The following LIG1 variants were observed in gnomAD, a reference collection of about 807,000 sequenced individuals.
The protein encoded by LIG1 is ligase I, DNA, ATP-dependent.
LIG1 carries 70 observed loss-of-function variants against 115.7 expected under a neutral mutation model. That is an observed-to-expected ratio of 0.60 (90% confidence interval 0.50 to 0.74). LIG1 has a LOEUF of 0.74. Among genes scored for constraint, LIG1 ranks in the 30% least tolerant of loss-of-function variants. The pLI is 0.00. For missense variants in LIG1, 1,115 were observed against 1,225.6 expected, an observed-to-expected ratio of 0.91 and a Z score of 1.35; for synonymous variants, 487 against 495.3, an observed-to-expected ratio of 0.98 and a Z score of 0.22.
chr19:48,132,926 C>T (rs557247689), intron 18 of LIG1, 56 bp downstream of exon 18: 7 of 1,307,328 alleles, frequency 5.4e-6, no homozygotes, highest in South Asian at 3.5e-5. Flanking sequence ...TGACCCCACA[C>T]CCCTGCTCTT....
rs1411921233 is a variant in LIG1 at position 48,123,034 on chromosome 19, G to A, written c.2150-18C>T. The A allele has an allele frequency of 6.2e-7, 1 of 1,613,418 alleles. No homozygotes were observed. The highest frequency in any genetic ancestry group is 8.5e-7 in the Non-Finnish European group (1 of 1,179,414). ...GCAGGAGTCTGAGGGAGACACAGAA[G>A]CGTGGTCCTTGGGAAGCCCTGGCTC... On this transcript the variant is annotated intron_variant, in intron 22 of 27. Transcript: ENST00000263274.
At chr19:48,133,124 G>C in intron 17 of LIG1, 27 bp from the exon 18 acceptor site, 1 of 1,423,556 alleles carries the variant, frequency 7.0e-7, no homozygotes, top group Non-Finnish European at 9.9e-7. Context: ...GTGAGTTAGA[G>C]GAGAGGGAAG....
In LIG1 at chr19:48,137,582, C is replaced by T. The variant is rs749379097; in HGVS notation, c.1194G>A (p.Pro398=). ...STQRLMLPPP[P]LTASGVFSKF... ...TGCTGAAGACCCCGGAGGCAGTGAGCGGAGGTGGTGGCAGCATGAGCCTCT... is the reference window on the plus strand; with the variant it reads ...TGCTGAAGACCCCGGAGGCAGTGAGTGGAGGTGGTGGCAGCATGAGCCTCT... Residue 398 remains proline (P), a synonymous_variant, in exon 13 of 28, where the codon CCG becomes CCA. Transcript: ENST00000263274. This position sits in a 1 kb window ranked among gnomAD's most constrained non-coding sequence, Gnocchi z 4.3. 21 of 1,613,352 alleles carry T rather than the reference C, an allele frequency of 1.3e-5. No individual in the cohort carries two copies. In the South Asian group the frequency reaches 1.3e-4, roughly 10 times the overall value.
intron 1 of LIG1, among the ~76,000 whole-genome samples, chr19:48,166,917 G>T (rs1020032311): frequency 6.9e-6 from 1 of 145,552 alleles, no homozygotes; most frequent in Non-Finnish European, 1.5e-5. Context: ...GTTGCAGTGA[G>T]ATCATGCACT....
chr19:48,142,073 G>A (rs867221531), intron 11 of LIG1, among the ~76,000 whole-genome samples: 6 of 152,166 alleles, frequency 3.9e-5, no homozygotes, highest in Middle Eastern at 3.4e-3. Context: ...AGGCCGAGGC[G>A]GGCCGATCAC....
At chr19:48,131,199 A>G (rs757691291) in intron 18 of LIG1, 28 bp from the exon 19 acceptor site, 8 of 1,548,708 alleles carry the variant, frequency 5.2e-6, no homozygotes, top group Non-Finnish European at 5.4e-6. Context: ...GGGAGGGGAA[A>G]TCAGCTGAGT....
intron 11 of LIG1, among the ~76,000 whole-genome samples, chr19:48,141,930 T>C (rs1231008435): frequency 6.6e-6 from 1 of 152,170 alleles, no homozygotes; most frequent in East Asian, 1.9e-4. Context: ...AAAGAAGGTC[T>C]TTGCGGATGT....
At position 48,137,017 on chromosome 19, in the gene LIG1, A is replaced by C; in HGVS notation, c.1322T>G (p.Phe441Cys). 1.9e-6 allele frequency: 3 copies of C among 1,612,580 alleles called. No individual in the cohort carries two copies. Among genetic ancestry groups the C allele is most frequent in the Non-Finnish European group, 2.5e-6 (3 of 1,179,440 alleles). The change falls in exon 14 of 28, where the codon TTC becomes TGC. Residue 441 changes from phenylalanine (F) to cysteine (C), a missense_variant. By Grantham distance (205) the Phe-to-Cys change is radical. Transcript: ENST00000263274. This position sits in a 1 kb window ranked among gnomAD's most constrained non-coding sequence, Gnocchi z 4.3. Reference sequence around the variant, plus strand: ...AGGCCCACACGCTTACCTAGCGATGAACCGGGCTTCTGAGTGGCGGCAGGC... The same window carrying C: ...AGGCCCACACGCTTACCTAGCGATGCACCGGGCTTCTGAGTGGCGGCAGGC... The part of the protein sequence containing the change: ...FVACRHSEAR[F>C]IARSLSGRLR...
At chr19:48,135,160 T>C (rs916764523) in intron 16 of LIG1, among the ~76,000 whole-genome samples, 2 of 152,200 alleles carry the variant, frequency 1.3e-5, no homozygotes, top group African/African-American at 4.8e-5. Context: ...TTTCTTTTTT[T>C]TAAGACAGTC....
Position 48,117,571 on chromosome 19 carries a change from T to TA in LIG1, c.2583+66dup, listed in dbSNP as rs975469186. The TA allele has an allele frequency of 1.3e-5, 20 of 1,552,438 alleles. No individual in the cohort carries two copies. In the African/African-American group the frequency reaches 2.6e-4, roughly 20 times the overall value. ...CAGATGTGAGCCAAGGTCCCCTCCC[T>TA]ACTCTGCTCTCTGTGTGCCCGCCCA... is the stretch of plus-strand genomic sequence containing the variant. On this transcript the variant is annotated intron_variant, in intron 26 of 27. Coordinates refer to ENST00000263274, the MANE Select transcript of LIG1 (RefSeq NM_000234.3).
chr19:48,137,088 G>C lies in LIG1; in HGVS notation c.1255-4C>G. On this transcript the variant is annotated splice_polypyrimidine_tract_variant and splice_region_variant and intron_variant, in intron 13 of 27. Transcript: ENST00000263274. This position sits in a 1 kb window ranked among gnomAD's most constrained non-coding sequence, Gnocchi z 4.3. ...TGTCTATCTTCTTGGCTGTGGACTG[G>C]AGAGTCAGGGGAAGAGCCGTCAGTG... 1 of 1,611,780 alleles carries C rather than the reference G, an allele frequency of 6.2e-7. No homozygotes were observed. Among genetic ancestry groups the C allele is most frequent in the Non-Finnish European group, 8.5e-7 (1 of 1,178,920 alleles).
intron 3 of LIG1, 133 bp downstream of exon 3, chr19:48,162,129 T>C: frequency 3.8e-6 from 3 of 782,522 alleles, no homozygotes; most frequent in Non-Finnish European, 6.8e-6. Flanking sequence ...CTCTTGCTCT[T>C]GGACTTCTGG....
rs1341034951 is a variant in LIG1, at chr19:48,115,571, G to A, written c.*78C>T. On this transcript the variant is annotated 3_prime_UTR_variant, in exon 28 of 28. Coordinates refer to ENST00000263274, the MANE Select transcript of LIG1 (RefSeq NM_000234.3). The stretch of plus-strand genomic sequence containing the variant: ...ATCCACAGCCTGCCACAGCAGATTT[G>A]CTAAAAAGCAAAGGCAATAATAACC... 2.7e-6 allele frequency: 3 copies of A among 1,093,332 alleles called. No individual in the cohort carries two copies. Among genetic ancestry groups the A allele is most frequent in the East Asian group, 2.4e-5 (1 of 41,518 alleles). 67.7% of individuals were successfully genotyped at this position (1,093,332 alleles called of 1,614,324 possible). A position where few individuals can be genotyped will look rare whatever the true frequency, so the allele number is the denominator to read the frequency against.
At chr19:48,145,500 G>C (rs971202512) in intron 9 of LIG1, among the ~76,000 whole-genome samples, 10 of 152,340 alleles carry the variant, frequency 6.6e-5, no homozygotes, top group South Asian at 6.2e-4. Flanking sequence ...AAGGGTTGGG[G>C]GGGAGAAAGA....
At chr19:48,148,595 G>A (rs1215207364) in intron 9 of LIG1, among the ~76,000 whole-genome samples, 1 of 151,952 alleles carries the variant, frequency 6.6e-6, no homozygotes, top group African/African-American at 2.4e-5. Context: ...GCTGGCTCAT[G>A]AGGGCACTGG....
Position 48,134,076 on chromosome 19 carries a change from C to A in LIG1, c.1524-10G>T, listed in dbSNP as rs1448384689. On this transcript the variant is annotated splice_polypyrimidine_tract_variant and intron_variant, in intron 16 of 27. Coordinates refer to ENST00000263274, the MANE Select transcript of LIG1 (RefSeq NM_000234.3). ...CAGGTCGGGAACCTCGCTGGGGTGG[C>A]GGGTGAGAACAAGATAGGGGAAGCC... The A allele has an allele frequency of 6.4e-7, 1 of 1,552,796 alleles. No individual in the cohort carries two copies. Among genetic ancestry groups the A allele is most frequent in the Non-Finnish European group, 8.7e-7 (1 of 1,147,208 alleles).
chr19:48,145,291 T>C (rs2035047961), intron 9 of LIG1, among the ~76,000 whole-genome samples: 1 of 152,242 alleles, frequency 6.6e-6, no homozygotes, highest in Admixed American at 6.5e-5. Flanking sequence ...CCCGGCCAGC[T>C]GTACCTGCTG....
Position 48,137,804 on chromosome 19 carries a change from G to A in LIG1, c.1088-116C>T, listed in dbSNP as rs1434236058. On this transcript the variant is annotated intron_variant, in intron 12 of 27. Transcript: ENST00000263274. This position sits in a 1 kb window ranked among gnomAD's most constrained non-coding sequence, Gnocchi z 4.3. ...CTGTGTGTGCTTGTGGCGAGTCCCT[G>A]CACCTCCCTGTGTCTAACGCTCACC... The A allele has an allele frequency of 1.1e-5, 14 of 1,288,448 alleles. No homozygotes were observed. In the East Asian group the frequency reaches 3.5e-4, roughly 32 times the overall value. 79.8% of individuals were successfully genotyped at this position (1,288,448 alleles called of 1,614,324 possible).
intron 21 of LIG1, among the ~76,000 whole-genome samples, chr19:48,125,881 G>A (rs142141102): frequency 1.9e-4 from 29 of 150,844 alleles, no homozygotes; most frequent in Middle Eastern, 3.5e-3. Context: ...CCAGCTACTC[G>A]GGAGGCTGAG....
Sources: allele counts gnomAD v4.1 joint callset (sites outside exome capture counted in the v4.1 genomes callset), GRCh38; gene constraint gnomAD v4.1.1; non-coding constraint Gnocchi (gnomAD v3.1); transcripts MANE v1.5; gene names NCBI Gene and HGNC (gene_info 2026-07-23, HGNC 2026-07-21).